C1QTNF8: variants seen among roughly 807,000 people sequenced by gnomAD.
C1QTNF8 encodes the protein complement C1q tumor necrosis factor-related protein 8.
Under a neutral mutation model 19.2 loss-of-function variants are expected in C1QTNF8, and 27 were observed. The ratio of observed to expected loss-of-function variants is 1.41; its 90% CI spans 1.04 to 1.94. The LOEUF (loss-of-function observed/expected upper bound fraction) is 1.94. C1QTNF8 is among the 30% of genes most tolerant of loss of function. C1QTNF8 has a pLI of 0.00. For synonymous variants in C1QTNF8, 208 were observed against 172.8 expected, an observed-to-expected ratio of 1.20 and a Z score of -1.60; for missense variants, 484 against 374.4, an observed-to-expected ratio of 1.29 and a Z score of -2.42.
Position 1,093,492 on chromosome 16 carries a change from C to G in C1QTNF8, c.*4+5G>C, listed in dbSNP as rs550005705. 1 of 1,510,570 alleles carries G rather than the reference C, an allele frequency of 6.6e-7. No homozygotes were observed. The highest frequency in any genetic ancestry group is 1.3e-5 in the South Asian group (1 of 77,142). 93.6% of individuals were successfully genotyped at this position (1,510,570 alleles called of 1,614,324 possible). A position where few individuals can be genotyped will look rare whatever the true frequency, so the allele number is the denominator to read the frequency against. On this transcript the variant is annotated splice_donor_5th_base_variant and intron_variant, in intron 4 of 4. Transcript: ENST00000328449. ...CGCCCGGTGCTCAGCCGCGGGGCCC[C>G]TCACCCGGCTACAGCTCGGCGGCCG...
intron 4 of C1QTNF8, among the ~76,000 whole-genome samples, chr16:1,090,874 C>G (rs1301251880): frequency 6.6e-6 from 1 of 152,234 alleles, no homozygotes; most frequent in African/African-American, 2.4e-5. Context: ...GTGTGTGCTG[C>G]CAGATGGACA....
At chr16:1,095,203 G>A (rs1182133434) in intron 2 of C1QTNF8, among the ~76,000 whole-genome samples, 1 of 152,240 alleles carries the variant, frequency 6.6e-6, no homozygotes, top group African/African-American at 2.4e-5. Context: ...GGCAGATGGT[G>A]GGGAAGCCGT....
intron 4 of C1QTNF8, among the ~76,000 whole-genome samples, chr16:1,091,946 T>C (rs996917451): frequency 6.6e-6 from 1 of 152,306 alleles, no homozygotes; most frequent in Non-Finnish European, 1.5e-5. Flanking sequence ...ACCGGGCAGG[T>C]GCTTGGCAAA....
intron 4 of C1QTNF8, among the ~76,000 whole-genome samples, chr16:1,092,401 G>GGGGCACAACCAATCCCTGCACACAGTCA (rs1567392204): frequency 4.7e-5 from 7 of 148,992 alleles, no homozygotes; most frequent in African/African-American, 1.8e-4. Flanking sequence ...GCACACAGTC[G>GGGGCACAACCAATCCCTGCACACAGTCA]GCGCTCAATC....
At chr16:1,091,040 G>C (rs1960533777) in intron 4 of C1QTNF8, among the ~76,000 whole-genome samples, 1 of 152,174 alleles carries the variant, frequency 6.6e-6, no homozygotes, top group African/African-American at 2.4e-5. Context: ...AGATTGGTCA[G>C]TACTGGTGGG....
At chr16:1,091,012 G>A (rs1960533151) in intron 4 of C1QTNF8, among the ~76,000 whole-genome samples, 3 of 152,218 alleles carry the variant, frequency 2.0e-5, no homozygotes, top group Admixed American at 6.5e-5. Context: ...GGGGCAGGCT[G>A]TGGGCCCAGC....
rs1960483603 is a variant in C1QTNF8 at position 1,088,720 on chromosome 16, C to T, written c.*1879G>A. ...CCCGGTTCTCTGAGAACCAGGGTCG[C>T]CACTGGCATTCATTAGACACCCCCG... On this transcript the variant is annotated 3_prime_UTR_variant, in exon 5 of 5. Coordinates refer to ENST00000328449, the MANE Select transcript of C1QTNF8 (RefSeq NM_207419.3). Among the ~76,000 whole-genome samples the T allele has an allele frequency of 1.2e-5, 1 of 81,858 alleles. No homozygotes were observed. The highest frequency in any genetic ancestry group is 6.5e-5 in the African/African-American group (1 of 15,284). 53.7% of individuals were successfully genotyped at this position (81,858 alleles called of 152,430 possible).
chr16:1,094,574 G>T, intron 3 of C1QTNF8, 141 bp downstream of exon 3: 1 of 619,486 alleles, frequency 1.6e-6, no homozygotes, highest in Non-Finnish European at 2.6e-6. Flanking sequence ...AGGGGTCCCT[G>T]TGCAGGGAGC....
At position 1,093,557 on chromosome 16, in the gene C1QTNF8, C is replaced by T. The variant is rs748285905; in HGVS notation, c.703G>A (p.Gly235Arg). 6.9e-6 allele frequency: 11 copies of T among 1,589,342 alleles called. No individual in the cohort carries two copies. The highest frequency in any genetic ancestry group is 6.7e-5 in the African/African-American group (5 of 74,256). The change falls in exon 4 of 5, where the codon GGA (glycine) becomes AGA (arginine). Residue 235 changes from glycine (G) to arginine (R), a missense_variant. Physicochemically the swap from Gly to Arg is moderately radical, Grantham distance 125 (BLOSUM62 -2). Coordinates refer to ENST00000328449, the MANE Select transcript of C1QTNF8 (RefSeq NM_207419.3). ...DRDNAIYGEH[G>R]DLYITFSGHL... ...CCGCTGAAGGTGATGTAGAGGTCTC[C>T]GTGCTCGCCGTAGATGGCGTTGTCC... is the stretch of plus-strand genomic sequence containing the variant.
At chr16:1,092,372 C>T (rs1178427307) in intron 4 of C1QTNF8, among the ~76,000 whole-genome samples, 1 of 147,304 alleles carries the variant, frequency 6.8e-6, no homozygotes, top group Admixed American at 6.7e-5. Flanking sequence ...TGCACACAGT[C>T]GGGGCACAAC....
rs1056408644 is a variant in C1QTNF8, at chr16:1,096,222, G to A, written c.-252C>T. ...CAAAGAGCCCTTTCATGCCCGCCTG[G>A]GCGCCCGTGGCTTCCTCTGGGCTGT... On this transcript the variant is annotated 5_prime_UTR_variant, in exon 1 of 5. Transcript: ENST00000328449. The A allele has an allele frequency of 6.6e-6, 1 of 152,418 alleles. No individual in the cohort carries two copies. Among genetic ancestry groups the A allele is most frequent in the Non-Finnish European group, 1.5e-5 (1 of 68,194 alleles). 9.4% of individuals were successfully genotyped at this position (152,418 alleles called of 1,614,324 possible).
At position 1,088,353 on chromosome 16, in the gene C1QTNF8, C is replaced by T. The variant is rs749545307; in HGVS notation, c.*2246G>A. ...TGTCCCCGCGGGAAGCCGCGTTCCC[C>T]AGTCCCTTCCTGTGCGGTTGACTCA... On this transcript the variant is annotated 3_prime_UTR_variant, in exon 5 of 5. Coordinates refer to ENST00000328449, the MANE Select transcript of C1QTNF8 (RefSeq NM_207419.3). Among the ~76,000 whole-genome samples the T allele has an allele frequency of 6.6e-6, 1 of 152,246 alleles. No homozygotes were observed. The highest frequency in any genetic ancestry group is 1.5e-5 in the Non-Finnish European group (1 of 68,038).
chr16:1,089,257 C>T lies in C1QTNF8; in HGVS notation c.*1342G>A, dbSNP rs557647969. Among the ~76,000 whole-genome samples, 2 of 152,308 alleles carry T rather than the reference C, an allele frequency of 1.3e-5. No homozygotes were observed. The highest frequency in any genetic ancestry group is 3.9e-4 in the East Asian group (2 of 5,182). Reference sequence around the variant, plus strand: ...CTGCTCTCTCACCGGGGCCAAGAACCTCTGCATGGCCAGCCGGGACCCCCA... The same window carrying T: ...CTGCTCTCTCACCGGGGCCAAGAACTTCTGCATGGCCAGCCGGGACCCCCA... On this transcript the variant is annotated 3_prime_UTR_variant, in exon 5 of 5. Transcript: ENST00000328449.
At chr16:1,094,267 C>G (rs569626263) in intron 3 of C1QTNF8, among the ~76,000 whole-genome samples, 1 of 152,264 alleles carries the variant, frequency 6.6e-6, no homozygotes, top group African/African-American at 2.4e-5. Flanking sequence ...GCAAGGCCGT[C>G]CCCACCGAGA....
chr16:1,093,299 C>T (rs111493318), intron 4 of C1QTNF8, among the ~76,000 whole-genome samples, 198 bp downstream of exon 4: 1 of 141,976 alleles, frequency 7.0e-6, no homozygotes, highest in African/African-American at 2.8e-5. Context: ...ACACAGTCGG[C>T]GCTCAACCAA....
intron 4 of C1QTNF8, among the ~76,000 whole-genome samples, chr16:1,093,128 C>T (rs1418046828): frequency 6.9e-6 from 1 of 145,542 alleles, no homozygotes; most frequent in Non-Finnish European, 1.5e-5. Context: ...TGCACACAGT[C>T]GGTGCTCAAC....
Position 1,088,906 on chromosome 16 carries a change from C to T in C1QTNF8, c.*1693G>A, listed in dbSNP as rs1960488217. On this transcript the variant is annotated 3_prime_UTR_variant, in exon 5 of 5. Coordinates refer to ENST00000328449, the MANE Select transcript of C1QTNF8 (RefSeq NM_207419.3). ...GGTCCAGCCTGTCCCTCGGAATAAG[C>T]GCCTGGCTTCGGGGCTGCTGTGGTC... Among the ~76,000 whole-genome samples the T allele has an allele frequency of 6.6e-6, 1 of 151,706 alleles. No individual in the cohort carries two copies.
In C1QTNF8 at chr16:1,094,815, A is replaced by AG; in HGVS notation, c.107dup (p.Gly37TrpfsTer8). On this transcript the variant is annotated frameshift_variant, in exon 3 of 5. Transcript: ENST00000328449. LOFTEE classifies it high-confidence loss of function. The stretch of plus-strand genomic sequence containing the variant: ...TGTCACTCACCCGGGCATAGGGTCC[A>AG]GGGGGCCAGGCCGGGCGGCAGCAGT... 2.0e-6 allele frequency: 3 copies of AG among 1,496,202 alleles called. No homozygotes were observed. The highest frequency in any genetic ancestry group is 2.2e-5 in the Admixed American group (1 of 45,326). The allele number at this position is 1,496,202 out of a possible 1,614,324, so 92.7% of individuals were successfully genotyped here.
chr16:1,094,465 T>C, intron 3 of C1QTNF8: 1 of 485,190 alleles, frequency 2.1e-6, no homozygotes. Context: ...TTTGGGGATC[T>C]CAGGAACCCT....
Sources: gnomAD v4.1 joint callset for allele counts (sites outside exome capture counted in the v4.1 genomes callset) on GRCh38, gnomAD v4.1.1 for gene constraint, MANE v1.5 for transcripts, NCBI Gene and HGNC (gene_info 2026-07-23, HGNC 2026-07-21) for gene names.